LSAMP: variants seen among roughly 807,000 people sequenced by gnomAD.
LSAMP encodes limbic system-associated membrane protein.
LSAMP carries 7 observed loss-of-function variants against 38.6 expected under a neutral mutation model. The ratio of observed to expected loss-of-function variants is 0.18; its 90% CI spans 0.10 to 0.34. LSAMP has a LOEUF of 0.34. LSAMP is among the 10% of genes least tolerant of loss of function. The pLI is 1.00. For missense variants in LSAMP, 313 were observed against 420.0 expected (o/e 0.75, Z 2.23); for synonymous variants, 154 against 166.8 (o/e 0.92, Z 0.59).
At chr3:116,048,192 T>G (rs2107728870) in intron 2 of LSAMP, among the ~76,000 whole-genome samples, 1 of 152,270 alleles carries the variant, frequency 6.6e-6, no homozygotes, top group Middle Eastern at 3.4e-3. Flanking sequence ...TAGAGAAGAG[T>G]ATCAATGACA....
chr3:116,074,294 C>T (rs1473494199), intron 2 of LSAMP, among the ~76,000 whole-genome samples: 2 of 152,108 alleles, frequency 1.3e-5, no homozygotes, highest in Non-Finnish European at 2.9e-5. Context: ...GGAGGAAAAT[C>T]CCCCAAAACA....
chr3:116,443,949 G>A (rs1352061435), intron 1 of LSAMP, among the ~76,000 whole-genome samples: 1 of 152,078 alleles, frequency 6.6e-6, no homozygotes, highest in Non-Finnish European at 1.5e-5. Flanking sequence ...AATATGACTA[G>A]GTCTCATTTG....
Position 115,960,153 on chromosome 3 carries a change from G to A in LSAMP, c.514+59362C>T, listed in dbSNP as rs566942034. 1.1e-4 allele frequency among the ~76,000 whole-genome samples: 17 copies of A among 152,258 alleles called. No individual in the cohort carries two copies. The South Asian group carries it at 2.5e-3, about 22-fold the overall frequency. Reference sequence around the variant, plus strand: ...GAATGTGGCTGCATTTGGAAGTGAGGTGTGTAAAGAGGTTAAGTTAAAATG... The same window carrying A: ...GAATGTGGCTGCATTTGGAAGTGAGATGTGTAAAGAGGTTAAGTTAAAATG... On this transcript the variant is annotated intron_variant, in intron 3 of 6. Coordinates refer to ENST00000490035, the MANE Select transcript of LSAMP (RefSeq NM_002338.5).
chr3:116,411,020 G>T (rs1301545783), intron 1 of LSAMP, among the ~76,000 whole-genome samples: 1 of 151,952 alleles, frequency 6.6e-6, no homozygotes, highest in African/African-American at 2.4e-5. Flanking sequence ...GTATTAAGAG[G>T]TGGGACGCTC....
intron 3 of LSAMP, among the ~76,000 whole-genome samples, chr3:116,006,515 G>A (rs1476960093): frequency 1.3e-5 from 2 of 152,072 alleles, no homozygotes; most frequent in African/African-American, 2.4e-5. Flanking sequence ...TATTAAGTAG[G>A]TGGGCTTTTA....
chr3:116,065,754 C>T (rs764596336), intron 2 of LSAMP, among the ~76,000 whole-genome samples: 46 of 152,156 alleles, frequency 3.0e-4, no homozygotes, highest in Admixed American at 1.4e-3. Context: ...TGTTTATATT[C>T]CTCCTCTGTC....
chr3:115,921,293 G>A (rs902830550), intron 3 of LSAMP, among the ~76,000 whole-genome samples: 5 of 151,600 alleles, frequency 3.3e-5, no homozygotes, highest in East Asian at 1.9e-4. Flanking sequence ...TTTCCTTTAT[G>A]TTTCATTGAT....
intron 1 of LSAMP, among the ~76,000 whole-genome samples, chr3:116,094,415 T>C (rs1217182188): frequency 2.0e-5 from 3 of 152,240 alleles, no homozygotes; most frequent in Admixed American, 6.5e-5. Flanking sequence ...CTTCATTCCC[T>C]TGACCCAGAC....
rs139535503 is a variant in LSAMP, at chr3:115,986,511, AT to A, written c.514+33003del. ...TTTTGAATTTTTATTTAATTGAGAA[AT>A]TGGCTGAAGAATTTGCTTTCTTTTT... is the stretch of plus-strand genomic sequence containing the variant. On this transcript the variant is annotated intron_variant, in intron 3 of 6. Transcript: ENST00000490035. Among the ~76,000 whole-genome samples, 268 of 152,316 alleles carry A rather than the reference AT, an allele frequency of 1.8e-3. 1 individual carries two copies. Among genetic ancestry groups the A allele is most frequent in the African/African-American group, 6.3e-3 (264 of 41,582 alleles).
chr3:116,159,664 A>G (rs1437065590), intron 1 of LSAMP, among the ~76,000 whole-genome samples: 3 of 152,168 alleles, frequency 2.0e-5, no homozygotes, highest in Non-Finnish European at 1.5e-5. Context: ...GTATAAATTA[A>G]TTCAGTCATT....
chr3:115,881,994 C>A (rs1259960183), intron 3 of LSAMP, among the ~76,000 whole-genome samples: 2 of 152,072 alleles, frequency 1.3e-5, no homozygotes, highest in African/African-American at 4.8e-5. Flanking sequence ...TTTCCCTGCT[C>A]CCAAGTGATT....
At chr3:116,106,324 G>T (rs1576365858) in intron 1 of LSAMP, among the ~76,000 whole-genome samples, 1 of 152,310 alleles carries the variant, frequency 6.6e-6, no homozygotes, top group East Asian at 1.9e-4. Flanking sequence ...TGAGAATGGT[G>T]AATAGGAGTA....
At chr3:115,851,034 C>G (rs905572375) in intron 4 of LSAMP, among the ~76,000 whole-genome samples, 1 of 152,098 alleles carries the variant, frequency 6.6e-6, no homozygotes, top group African/African-American at 2.4e-5. Context: ...AGTGCAGTGG[C>G]GCGATCTCGG....
intron 3 of LSAMP, among the ~76,000 whole-genome samples, chr3:115,902,658 A>G (rs1198966777): frequency 6.6e-6 from 1 of 152,176 alleles, no homozygotes; most frequent in Non-Finnish European, 1.5e-5. Flanking sequence ...AAAAACAAAC[A>G]TCCCCATTGA....
intron 3 of LSAMP, among the ~76,000 whole-genome samples, chr3:115,986,704 G>A (rs138708674): frequency 2.6e-5 from 4 of 151,980 alleles, no homozygotes; most frequent in African/African-American, 9.7e-5. Flanking sequence ...AAAAAAGAGG[G>A]GGGTGGGGGC....
chr3:115,852,192 G>A (rs901309235), intron 4 of LSAMP, among the ~76,000 whole-genome samples: 1 of 152,218 alleles, frequency 6.6e-6, no homozygotes, highest in Non-Finnish European at 1.5e-5. Context: ...ACGAAGACCA[G>A]CATAGTGACC....
intron 1 of LSAMP, among the ~76,000 whole-genome samples, chr3:116,225,684 G>A (rs2046334723): frequency 6.6e-6 from 1 of 151,588 alleles, no homozygotes; most frequent in South Asian, 2.1e-4. Flanking sequence ...ATCAAATATC[G>A]ATTACATGGC....
intron 3 of LSAMP, among the ~76,000 whole-genome samples, chr3:115,992,211 C>A (rs781709128): frequency 2.0e-5 from 3 of 151,966 alleles, no homozygotes; most frequent in Admixed American, 2.0e-4. Flanking sequence ...CAACTTTACA[C>A]CAGCATCAGC....
intron 3 of LSAMP, 135 bp downstream of exon 3, chr3:116,019,380 T>G (rs1940575018): frequency 1.9e-6 from 2 of 1,079,956 alleles, no homozygotes; most frequent in Admixed American, 4.7e-5. Flanking sequence ...ACAAGATAGA[T>G]GCATGACCTT....
Sources: allele counts gnomAD v4.1 joint callset (sites outside exome capture counted in the v4.1 genomes callset), GRCh38; gene constraint gnomAD v4.1.1; transcripts MANE v1.5; gene names NCBI Gene and HGNC (gene_info 2026-07-23, HGNC 2026-07-21).